Variants in ZDHHC21 observed in about 807,000 individuals in gnomAD.
ZDHHC21 encodes the protein palmitoyltransferase ZDHHC21.
In ZDHHC21, 15 loss-of-function variants were observed where a neutral mutation model predicts 34.6. That is an observed-to-expected ratio of 0.43 (90% confidence interval 0.29 to 0.67). The LOEUF (loss-of-function observed/expected upper bound fraction) is 0.67. Among genes scored for constraint, ZDHHC21 ranks in the 30% least tolerant of loss-of-function variants. ZDHHC21 has a pLI of 0.14. For synonymous variants in ZDHHC21, 142 were observed against 101.8 expected, an observed-to-expected ratio of 1.40 and a Z score of -2.38; for missense variants, 344 against 327.7, an observed-to-expected ratio of 1.05 and a Z score of -0.38.
chr9:14,686,969 T>A (rs1201757233), intron 2 of ZDHHC21, among the ~76,000 whole-genome samples: 1 of 102,782 alleles, frequency 9.7e-6, no homozygotes, highest in Non-Finnish European at 2.1e-5. Context: ...CGAGACTTCA[T>A]CTCAAAAAAA....
chr9:14,664,265 C>T (rs1833960048), intron 5 of ZDHHC21, among the ~76,000 whole-genome samples: 1 of 152,102 alleles, frequency 6.6e-6, no homozygotes, highest in East Asian at 1.9e-4. Flanking sequence ...CCTGGAAAAT[C>T]GGGTCACTCC....
chr9:14,663,950 T>C (rs1833878208), intron 5 of ZDHHC21, among the ~76,000 whole-genome samples: 1 of 152,154 alleles, frequency 6.6e-6, no homozygotes, highest in African/African-American at 2.4e-5. Context: ...ACTCCCCTAC[T>C]TAGCTCAATG....
chr9:14,590,169 G>A, the ZDHHC21 span: 3 of 152,158 alleles, frequency 2.0e-5, no homozygotes, highest in Non-Finnish European at 4.4e-5. Context: ...TTCACGGTTA[G>A]CAGCAGGGTT....
At chr9:14,620,289 T>TA (rs961854707) in intron 8 of ZDHHC21, among the ~76,000 whole-genome samples, 10 of 148,266 alleles carry the variant, frequency 6.7e-5, no homozygotes, top group East Asian at 2.0e-4. Flanking sequence ...CACAAATATG[T>TA]AAAAAAAAAA....
chr9:14,599,175 A>G, the ZDHHC21 span, among the ~76,000 whole-genome samples: 1 of 152,224 alleles, frequency 6.6e-6, no homozygotes, highest in Non-Finnish European at 1.5e-5. Flanking sequence ...GAATAGGAAC[A>G]GCTTTGGTCT....
intron 2 of ZDHHC21, among the ~76,000 whole-genome samples, chr9:14,685,291 T>C (rs549255337): frequency 1.4e-3 from 207 of 151,896 alleles, no homozygotes; most frequent in African/African-American, 4.7e-3. Context: ...AGAAAATTTT[T>C]GCAATCTACT....
intron 8 of ZDHHC21, among the ~76,000 whole-genome samples, chr9:14,631,767 G>C (rs1827388340): frequency 6.6e-6 from 1 of 152,164 alleles, no homozygotes; most frequent in Non-Finnish European, 1.5e-5. Flanking sequence ...AAGAGAGATA[G>C]AGGAATGGCC....
intron 5 of ZDHHC21, among the ~76,000 whole-genome samples, chr9:14,663,157 T>C (rs185671344): frequency 2.0e-5 from 3 of 152,316 alleles, no homozygotes; most frequent in Admixed American, 6.5e-5. Context: ...GGAAGAGTCA[T>C]CTTCCTAGAA....
intron 2 of ZDHHC21, among the ~76,000 whole-genome samples, 174 bp from the exon 3 acceptor site, chr9:14,680,336 G>A (rs981455359): frequency 6.6e-6 from 1 of 152,072 alleles, no homozygotes; most frequent in Admixed American, 6.5e-5. Context: ...CTCAGAATTT[G>A]CATTTGATTA....
Position 14,662,253 on chromosome 9 carries a change from G to A in ZDHHC21, c.327C>T (p.Cys109=), listed in dbSNP as rs760245953. Residue 109 remains cysteine (C), a synonymous_variant, in exon 6 of 10, where the codon TGC becomes TGT. Transcript: ENST00000380916. ...RPKRSHHCSR[C]GHCVRRMDHH... ...GATCCATTCTCCTCACACAGTGGCC[G>A]CAGCGGCTACAGTGATGGGAACGCT... 4.3e-6 allele frequency: 7 copies of A among 1,612,494 alleles called. No homozygotes were observed. The highest frequency in any genetic ancestry group is 2.2e-5 in the East Asian group (1 of 44,812).
chr9:14,668,176 C>T (rs1378808301), intron 5 of ZDHHC21, among the ~76,000 whole-genome samples: 2 of 125,740 alleles, frequency 1.6e-5, no homozygotes, highest in African/African-American at 3.0e-5. Context: ...AATCAATGTA[C>T]AAAAATCACA....
At position 14,612,553 on chromosome 9, in the gene ZDHHC21, A is replaced by G. The variant is rs1823485169; in HGVS notation, c.*6413T>C. On this transcript the variant is annotated 3_prime_UTR_variant, in exon 10 of 10. Transcript: ENST00000380916. ...GTAAAATTAACTACTAAGCAAAATT[A>G]GTTTTAAAAATCTTACTCTATGTAA... The G allele has an allele frequency of 6.6e-6, 1 of 151,974 alleles. No individual in the cohort carries two copies. Among genetic ancestry groups the G allele is most frequent in the Non-Finnish European group, 1.5e-5 (1 of 67,904 alleles). 9.4% of individuals were successfully genotyped at this position (151,974 alleles called of 1,614,324 possible).
At chr9:14,684,334 G>A (rs1837926735) in intron 2 of ZDHHC21, among the ~76,000 whole-genome samples, 1 of 151,650 alleles carries the variant, frequency 6.6e-6, no homozygotes, top group Admixed American at 6.6e-5. Context: ...TCCTTAAGCT[G>A]ATAAGCAACT....
At chr9:14,653,515 G>T (rs1250470993) in intron 7 of ZDHHC21, among the ~76,000 whole-genome samples, 1 of 151,780 alleles carries the variant, frequency 6.6e-6, no homozygotes, top group Non-Finnish European at 1.5e-5. Flanking sequence ...CTAAAGATTT[G>T]CCCTTAAAAC....
chr9:14,629,066 A>G (rs1343060045), intron 8 of ZDHHC21, among the ~76,000 whole-genome samples: 2 of 152,216 alleles, frequency 1.3e-5, no homozygotes, highest in Admixed American at 6.5e-5. Context: ...AAGAGAAAGT[A>G]AAGTGACTAA....
At chr9:14,630,960 G>C (rs531926809) in intron 8 of ZDHHC21, among the ~76,000 whole-genome samples, 2 of 152,154 alleles carry the variant, frequency 1.3e-5, no homozygotes, top group Admixed American at 6.5e-5. Flanking sequence ...TAATTCTTAA[G>C]AGCCTAGGAT....
At chr9:14,671,968 T>C (rs1835539477) in intron 5 of ZDHHC21, among the ~76,000 whole-genome samples, 1 of 152,118 alleles carries the variant, frequency 6.6e-6, no homozygotes, top group African/African-American at 2.4e-5. Context: ...ATGTAACTAT[T>C]TCATTTGACT....
At chr9:14,692,359 T>A (rs1007106518) in intron 1 of ZDHHC21, among the ~76,000 whole-genome samples, 2 of 152,238 alleles carry the variant, frequency 1.3e-5, no homozygotes, top group Non-Finnish European at 2.9e-5. Flanking sequence ...ATTTAACACA[T>A]CTTTTTAAAT....
chr9:14,623,377 T>G (rs1213333721), intron 8 of ZDHHC21, among the ~76,000 whole-genome samples: 1 of 151,764 alleles, frequency 6.6e-6, no homozygotes, highest in Non-Finnish European at 1.5e-5. Context: ...TTTAAAAAAT[T>G]AGCAGGCATG....
Sources: gnomAD v4.1 joint callset for allele counts (sites outside exome capture counted in the v4.1 genomes callset) on GRCh38, gnomAD v4.1.1 for gene constraint, MANE v1.5 for transcripts, NCBI Gene and HGNC (gene_info 2026-07-23, HGNC 2026-07-21) for gene names.